ADCY10: variants seen among roughly 807,000 people sequenced by gnomAD.
The protein encoded by ADCY10 is adenylate cyclase type 10.
ADCY10 carries 156 observed loss-of-function variants against 183.3 expected under a neutral mutation model. The observed-to-expected ratio is 0.85, with a 90% CI of 0.75 to 0.97. The LOEUF is 0.97. ADCY10 is among the 50% of genes least tolerant of loss of function. ADCY10 has a pLI of 0.00. For synonymous variants in ADCY10, 645 were observed against 670.0 expected, an observed-to-expected ratio of 0.96 and a Z score of 0.58; for missense variants, 1,745 against 1,934.3, an observed-to-expected ratio of 0.90 and a Z score of 1.84.
intron 21 of ADCY10, among the ~76,000 whole-genome samples, chr1:167,843,890 A>C (rs1433951139): frequency 6.6e-6 from 1 of 152,182 alleles, no homozygotes; most frequent in Non-Finnish European, 1.5e-5. Context: ...CTCACCAAAG[A>C]GATCTCTTCA....
At chr1:167,901,887 T>C (rs1453249853) in intron 4 of ADCY10, 82 bp from the exon 5 acceptor site, 14 of 1,604,406 alleles carry the variant, frequency 8.7e-6, no homozygotes, top group African/African-American at 1.4e-5. Context: ...AGAAACTTAC[T>C]CATCAAGCAT....
chr1:167,851,938 T>A (rs1665520383), intron 18 of ADCY10, among the ~76,000 whole-genome samples: 1 of 152,192 alleles, frequency 6.6e-6, no homozygotes. Context: ...TAGGATCCAG[T>A]CCAGGATTAT....
intron 8 of ADCY10, among the ~76,000 whole-genome samples, chr1:167,889,234 T>C (rs879528974): frequency 3.3e-5 from 5 of 152,210 alleles, no homozygotes; most frequent in Admixed American, 6.5e-5. Context: ...TTTTCTTATG[T>C]TGAGGTATGT....
intron 14 of ADCY10, among the ~76,000 whole-genome samples, chr1:167,863,438 A>G (rs1163406999): frequency 6.6e-6 from 1 of 152,018 alleles, no homozygotes; most frequent in Non-Finnish European, 1.5e-5. Context: ...GTGAGCCCTT[A>G]AAAGGGACAG....
At chr1:167,873,510 G>A (rs996246945) in intron 13 of ADCY10, among the ~76,000 whole-genome samples, 8 of 152,136 alleles carry the variant, frequency 5.3e-5, no homozygotes, top group African/African-American at 9.7e-5. Flanking sequence ...GGGGATGTTC[G>A]TGTCTGACAG....
intron 26 of ADCY10, among the ~76,000 whole-genome samples, chr1:167,826,928 C>T (rs1039402841): frequency 4.6e-5 from 7 of 152,298 alleles, no homozygotes; most frequent in African/African-American, 1.7e-4. Context: ...GTGGCTACTT[C>T]ATGGCCTACA....
chr1:167,846,266 G>T lies in ADCY10; in HGVS notation c.2438-3C>A. 6.2e-7 allele frequency: 1 copy of T among 1,614,138 alleles called. No homozygotes were observed. The highest frequency in any genetic ancestry group is 1.1e-5 in the South Asian group (1 of 91,074). ...ATCCAGCTGGATCAGAGAGATTTCT[G>T]CAGGTAGAAGGCCACACAGTAGAAA... On this transcript the variant is annotated splice_polypyrimidine_tract_variant and splice_region_variant and intron_variant, in intron 19 of 32. Transcript: ENST00000367851.
At chr1:167,809,889 TG>T in intron 32 of ADCY10, 50 bp from the exon 33 acceptor site, 1 of 1,587,772 alleles carries the variant, frequency 6.3e-7, no homozygotes, top group South Asian at 1.1e-5. Context: ...TCTTGACTTT[TG>T]TAATCAAGGT....
chr1:167,873,370 C>A (rs1270267482), intron 13 of ADCY10, among the ~76,000 whole-genome samples: 1 of 152,156 alleles, frequency 6.6e-6, no homozygotes, highest in African/African-American at 2.4e-5. Flanking sequence ...AGTTCTGGAA[C>A]TGTTGCCCTC....
intron 31 of ADCY10, among the ~76,000 whole-genome samples, chr1:167,817,380 T>G (rs11587187): frequency 8.4e-4 from 128 of 152,104 alleles, no homozygotes; most frequent in Non-Finnish European, 1.5e-3. Context: ...GGGTGTTGTT[T>G]TAAGCTGTTT....
At chr1:167,845,531 A>G in intron 21 of ADCY10, 32 bp downstream of exon 21, 1 of 1,610,292 alleles carries the variant, frequency 6.2e-7, no homozygotes, top group Non-Finnish European at 8.5e-7. Context: ...TCCCAAGAAC[A>G]GTTAGGATAA....
intron 22 of ADCY10, 128 bp downstream of exon 22, chr1:167,837,121 C>T (rs183420256): frequency 3.3e-5 from 26 of 782,128 alleles, no homozygotes; most frequent in Non-Finnish European, 5.4e-5. Flanking sequence ...ACCATGCATA[C>T]CCCCCAAAGT....
intron 14 of ADCY10, 77 bp downstream of exon 14, chr1:167,870,180 T>C: frequency 6.5e-7 from 1 of 1,529,618 alleles, no homozygotes; most frequent in Non-Finnish European, 9.0e-7. Flanking sequence ...ATAAGGCAAG[T>C]TATAGGAAGG....
At chr1:167,854,527 T>C in intron 17 of ADCY10, 38 bp from the exon 18 acceptor site, 2 of 1,613,174 alleles carry the variant, frequency 1.2e-6, no homozygotes, top group Non-Finnish European at 1.7e-6. Context: ...ACATTGAAGA[T>C]ACATCTTTTA....
chr1:167,876,727 A>T (rs1667493754), intron 12 of ADCY10, among the ~76,000 whole-genome samples: 2 of 152,236 alleles, frequency 1.3e-5, no homozygotes, highest in South Asian at 4.1e-4. Context: ...TAATGGCCCC[A>T]GTACCTGTAT....
At chr1:167,906,005 T>C (rs768548219) in intron 1 of ADCY10, among the ~76,000 whole-genome samples, 5 of 152,194 alleles carry the variant, frequency 3.3e-5, no homozygotes, top group Admixed American at 6.5e-5. Flanking sequence ...ATACAGAAAA[T>C]ATAAGAGGAT....
chr1:167,904,073 G>C, intron 2 of ADCY10, 82 bp from the exon 3 acceptor site: 1 of 834,632 alleles, frequency 1.2e-6, no homozygotes, highest in South Asian at 1.5e-5. Flanking sequence ...GGAAGGCAGC[G>C]GGCCTCAGCT....
At position 167,840,367 on chromosome 1, in the gene ADCY10, AT is replaced by A. The variant is rs546653110; in HGVS notation, c.3008-3050del. 3.4e-5 allele frequency among the ~76,000 whole-genome samples: 5 copies of A among 147,438 alleles called. No individual in the cohort carries two copies. The South Asian group carries it at 1.1e-3, about 31-fold the overall frequency. ...TTGGGTGAATCATATTATTATTACT[AT>A]TTTTTTTGGATGGAGTTTCACTCTG... On this transcript the variant is annotated intron_variant, in intron 21 of 32. Transcript: ENST00000367851.
intron 14 of ADCY10, 135 bp from the exon 15 acceptor site, chr1:167,861,198 G>C: frequency 1.3e-6 from 1 of 756,394 alleles, no homozygotes; most frequent in South Asian, 1.6e-5. Context: ...TCTCGCAATG[G>C]TTCTTTATTG....
Sources: gnomAD v4.1 joint callset for allele counts (sites outside exome capture counted in the v4.1 genomes callset) on GRCh38, gnomAD v4.1.1 for gene constraint, MANE v1.5 for transcripts, NCBI Gene and HGNC (gene_info 2026-07-23, HGNC 2026-07-21) for gene names.